SCARB1: variants seen among roughly 807,000 people sequenced by gnomAD.
SCARB1 encodes the protein CD36 and LIMPII analogous 1.
SCARB1 carries 30 observed loss-of-function variants against 57.2 expected under a neutral mutation model. The ratio of observed to expected loss-of-function variants is 0.52; its 90% CI spans 0.39 to 0.71. The LOEUF is 0.71. SCARB1 is among the 30% of genes least tolerant of loss of function. SCARB1 has a pLI of 0.00. For missense variants in SCARB1, 543 were observed against 671.2 expected, an observed-to-expected ratio of 0.81 and a Z score of 2.11; for synonymous variants, 249 against 268.3, an observed-to-expected ratio of 0.93 and a Z score of 0.70.
chr12:124,802,498 C>T (rs1328665604), intron 7 of SCARB1, among the ~76,000 whole-genome samples: 1 of 152,066 alleles, frequency 6.6e-6, no homozygotes, highest in Admixed American at 6.5e-5. Flanking sequence ...GAGGAGGCAG[C>T]CACGGAGCCG....
At chr12:124,792,721 CAAAAAAAAAAA>C (rs930596389) in intron 9 of SCARB1, among the ~76,000 whole-genome samples, 20 of 31,726 alleles carry the variant, frequency 6.3e-4, no homozygotes, top group Non-Finnish European at 1.1e-3. Context: ...GACTTCGTCT[CAAAAAAAAAAA>C]AAAAAAAAAA....
intron 1 of SCARB1, among the ~76,000 whole-genome samples, chr12:124,850,307 A>G (rs1952341860): frequency 6.6e-6 from 1 of 152,066 alleles, no homozygotes; most frequent in African/African-American, 2.4e-5. Flanking sequence ...CGGGAGGCGG[A>G]GGTTGCAGTG....
At position 124,854,510 on chromosome 12, in the gene SCARB1, G is replaced by A. The variant is rs140337299; in HGVS notation, c.126+9085C>T. ...TGGCTGCTTATTGAGAAACCCCACT[G>A]GGGAGCAAGGATGAGCACAGGGAGG... On this transcript the variant is annotated intron_variant, in intron 1 of 12. Transcript: ENST00000261693. Among the ~76,000 whole-genome samples, 25 of 152,288 alleles carry A rather than the reference G, an allele frequency of 1.6e-4. No individual in the cohort carries two copies. The East Asian group carries it at 4.6e-3, about 28-fold the overall frequency.
chr12:124,809,046 A>G (rs1009120155), intron 6 of SCARB1, among the ~76,000 whole-genome samples: 15 of 152,176 alleles, frequency 9.9e-5, no homozygotes, highest in African/African-American at 3.6e-4. Context: ...GTCAATGCCA[A>G]ATTTTCTCAT....
intron 12 of SCARB1, among the ~76,000 whole-genome samples, chr12:124,779,694 C>T (rs1383841237): frequency 2.0e-5 from 3 of 152,176 alleles, no homozygotes; most frequent in Admixed American, 6.5e-5. Flanking sequence ...GAGCCTTCGT[C>T]CCACTAAGCC....
intron 1 of SCARB1, among the ~76,000 whole-genome samples, chr12:124,837,450 A>G (rs1362916171): frequency 2.3e-5 from 3 of 130,650 alleles, no homozygotes; most frequent in Non-Finnish European, 4.9e-5. Flanking sequence ...AAGAAAAGAA[A>G]GAAAGAAGGA....
At chr12:124,790,704 A>AC (rs565772433) in intron 9 of SCARB1, among the ~76,000 whole-genome samples, 6 of 151,970 alleles carry the variant, frequency 3.9e-5, no homozygotes, top group Non-Finnish European at 5.9e-5. Flanking sequence ...CCCCACACAG[A>AC]CCCCCCCACA....
Position 124,801,721 on chromosome 12 carries a change from G to A in SCARB1, c.1010-1479C>T, listed in dbSNP as rs115112748. 3.3e-3 allele frequency among the ~76,000 whole-genome samples: 499 copies of A among 151,972 alleles called. 2 individuals carry two copies. Among genetic ancestry groups the A allele is most frequent in the African/African-American group, 0.012 (477 of 41,456 alleles). On this transcript the variant is annotated intron_variant, in intron 7 of 12. Coordinates refer to ENST00000261693, the MANE Select transcript of SCARB1 (RefSeq NM_005505.5). ...CTTGAACCTGGGCGGCAGAGGTTGCGGAGGCTGCAGGGAGCTGAAATCGCA... is the reference window on the plus strand; with the variant it reads ...CTTGAACCTGGGCGGCAGAGGTTGCAGAGGCTGCAGGGAGCTGAAATCGCA...
chr12:124,782,553 T>G, intron 12 of SCARB1, 130 bp downstream of exon 12: 1 of 904,984 alleles, frequency 1.1e-6, no homozygotes. Flanking sequence ...AATATGCATC[T>G]TCAGTCTGTA....
chr12:124,843,655 T>C (rs1952008677), intron 1 of SCARB1, among the ~76,000 whole-genome samples: 1 of 151,850 alleles, frequency 6.6e-6, no homozygotes, highest in South Asian at 2.1e-4. Flanking sequence ...TCTCTACAGA[T>C]GTTACCAAGT....
chr12:124,806,885 AGAGT>A (rs1950342654), intron 7 of SCARB1, among the ~76,000 whole-genome samples: 1 of 152,080 alleles, frequency 6.6e-6, no homozygotes. Context: ...TCCAGGCTAC[AGAGT>A]GATACCTTGT....
intron 1 of SCARB1, among the ~76,000 whole-genome samples, chr12:124,850,794 A>T (rs1042408675): frequency 1.3e-5 from 2 of 152,278 alleles, no homozygotes. Context: ...CTAATACTGT[A>T]ACAGCCAGAG....
At chr12:124,786,531 A>G in intron 10 of SCARB1, 28 bp from the exon 11 acceptor site, 1 of 1,613,344 alleles carries the variant, frequency 6.2e-7, no homozygotes, top group Non-Finnish European at 8.5e-7. Flanking sequence ...CAAACACATG[A>G]GCTGGGGCCG....
At chr12:124,782,961 G>C in intron 11 of SCARB1, 150 bp from the exon 12 acceptor site, 1 of 744,866 alleles carries the variant, frequency 1.3e-6, no homozygotes, top group Non-Finnish European at 2.3e-6. Flanking sequence ...AGGTGGCTGA[G>C]ATGTGGGGAG....
At chr12:124,833,144 T>C (rs955348524) in intron 1 of SCARB1, among the ~76,000 whole-genome samples, 1 of 151,770 alleles carries the variant, frequency 6.6e-6, no homozygotes, top group Non-Finnish European at 1.5e-5. Flanking sequence ...GTGAAAGCAT[T>C]GTGGCCCCTG....
At chr12:124,801,781 G>C (rs368825657) in intron 7 of SCARB1, among the ~76,000 whole-genome samples, 101 of 152,146 alleles carry the variant, frequency 6.6e-4, no homozygotes, top group Middle Eastern at 3.4e-3. Flanking sequence ...AGTTTTCGGA[G>C]GTTGCAGTAA....
Position 124,782,873 on chromosome 12 carries a change from G to T in SCARB1, c.1402-62C>A, listed in dbSNP as rs140572584. ...AAGCCACATAAAAATGGTTTTACAC[G>T]GTTCTTCAATTTGCAAAAGGCAAAG... On this transcript the variant is annotated intron_variant, in intron 11 of 12. Coordinates refer to ENST00000261693, the MANE Select transcript of SCARB1 (RefSeq NM_005505.5). 1,722 of 1,580,462 alleles carry T rather than the reference G, an allele frequency of 1.1e-3. 21 individuals carry two copies. The East Asian group carries it at 0.033, about 30-fold the overall frequency.
chr12:124,800,098 C>A lies in SCARB1; in HGVS notation c.1128+26G>T, dbSNP rs1259090216. ...GTGCTCCAACCAGGAATCACCCACC[C>A]CCCACAGAGGATGGCAGGGGCTCAC... On this transcript the variant is annotated intron_variant, in intron 8 of 12. Coordinates refer to ENST00000261693, the MANE Select transcript of SCARB1 (RefSeq NM_005505.5). This position sits in a 1 kb window ranked among gnomAD's most constrained non-coding sequence, Gnocchi z 4.8. The A allele has an allele frequency of 6.5e-7, 1 of 1,544,764 alleles. No homozygotes were observed. The highest frequency in any genetic ancestry group is 8.9e-7 in the Non-Finnish European group (1 of 1,117,734).
At chr12:124,840,743 A>G (rs557455461) in intron 1 of SCARB1, among the ~76,000 whole-genome samples, 3 of 151,832 alleles carry the variant, frequency 2.0e-5, no homozygotes, top group Admixed American at 6.6e-5. Flanking sequence ...CTGAAAAAAA[A>G]CTCGAATATG....
Sources: allele counts gnomAD v4.1 joint callset (sites outside exome capture counted in the v4.1 genomes callset), GRCh38; gene constraint gnomAD v4.1.1; non-coding constraint Gnocchi (gnomAD v3.1); transcripts MANE v1.5; gene names NCBI Gene and HGNC (gene_info 2026-07-23, HGNC 2026-07-21).